The following DCAF12 variants were observed in gnomAD, a reference collection of about 807,000 sequenced individuals.
DCAF12 encodes the protein DDB1- and CUL4-associated factor 12.
Under a neutral mutation model 52.8 loss-of-function variants are expected in DCAF12, and 28 were observed. The ratio of observed to expected loss-of-function variants is 0.53; its 90% CI spans 0.39 to 0.73. DCAF12 has a LOEUF of 0.73. Ranked by LOEUF, DCAF12 falls within the 30% of genes least tolerant of loss-of-function variation. The probability of loss-of-function intolerance (pLI) is 0.00; values close to 1 mark genes in which losing one functional copy is unlikely to be tolerated. For missense variants in DCAF12, 425 were observed against 552.2 expected (o/e 0.77, Z 2.31); for synonymous variants, 196 against 215.5 (o/e 0.91, Z 0.79).
chr9:34,094,612 G>C (rs1479467333), intron 6 of DCAF12, among the ~76,000 whole-genome samples: 1 of 148,644 alleles, frequency 6.7e-6, no homozygotes, highest in African/African-American at 2.5e-5. Flanking sequence ...CTCACTGCAA[G>C]CTCCACCTCC....
At chr9:34,098,067 G>A (rs1352238953) in intron 5 of DCAF12, among the ~76,000 whole-genome samples, 1 of 152,154 alleles carries the variant, frequency 6.6e-6, no homozygotes, top group African/African-American at 2.4e-5. Context: ...GTCAAATCAG[G>A]GTGGCCCTAG....
rs371723555 is a variant in DCAF12, at chr9:34,098,311, C to G, written c.795+13G>C. On this transcript the variant is annotated intron_variant, in intron 5 of 8. Transcript: ENST00000361264. Reference sequence around the variant, plus strand: ...GAGGAATACACGTCAGGGATCCCTACACAAGTTCATACCTTGTTCTTGTTG... The same window carrying G: ...GAGGAATACACGTCAGGGATCCCTAGACAAGTTCATACCTTGTTCTTGTTG... 32 of 1,611,170 alleles carry G rather than the reference C, an allele frequency of 2.0e-5. No homozygotes were observed. The highest frequency in any genetic ancestry group is 2.6e-5 in the Non-Finnish European group (31 of 1,178,314).
intron 5 of DCAF12, among the ~76,000 whole-genome samples, chr9:34,097,799 G>A (rs76096442): frequency 1.7e-4 from 26 of 151,954 alleles, no homozygotes; most frequent in Non-Finnish European, 2.8e-4. Flanking sequence ...CATGTGTAGC[G>A]GTGCATGCCT....
At chr9:34,102,212 C>T (rs1450493966) in intron 4 of DCAF12, among the ~76,000 whole-genome samples, 3 of 151,082 alleles carry the variant, frequency 2.0e-5, no homozygotes, top group Non-Finnish European at 4.4e-5. Context: ...TCACTGGAGC[C>T]TGGAGAGGTC....
At chr9:34,100,103 T>G (rs777192076) in intron 4 of DCAF12, among the ~76,000 whole-genome samples, 1 of 151,500 alleles carries the variant, frequency 6.6e-6, no homozygotes, top group Non-Finnish European at 1.5e-5. Flanking sequence ...GGCACAATCA[T>G]AGCTCACTGC....
intron 7 of DCAF12, among the ~76,000 whole-genome samples, chr9:34,091,639 CAAA>C (rs34922785): frequency 2.5e-5 from 2 of 80,508 alleles, no homozygotes; most frequent in African/African-American, 1.0e-4. Flanking sequence ...ACCCTGTCTT[CAAA>C]AAAAAAAAAA....
intron 2 of DCAF12, among the ~76,000 whole-genome samples, chr9:34,117,256 ATTTT>A (rs201282914): frequency 7.1e-6 from 1 of 140,032 alleles, no homozygotes; most frequent in South Asian, 2.3e-4. Flanking sequence ...CTAATCCTTG[ATTTT>A]TTTTTTTTTT....
intron 1 of DCAF12, chr9:34,125,698 G>A: frequency 2.6e-6 from 1 of 391,568 alleles, no homozygotes; most frequent in Non-Finnish European, 5.5e-6. Flanking sequence ...GCCAGACCTG[G>A]CTCCCAGGTC....
intron 2 of DCAF12, among the ~76,000 whole-genome samples, chr9:34,115,968 C>T (rs541568193): frequency 2.6e-5 from 4 of 152,284 alleles, no homozygotes; most frequent in East Asian, 1.9e-4. Flanking sequence ...ATTTATGCCA[C>T]GTCCAAATTT....
At chr9:34,103,490 T>A (rs7022361) in intron 4 of DCAF12, among the ~76,000 whole-genome samples, 150,471 of 152,268 alleles carry the variant, frequency 0.99, 74,379 homozygotes, top group East Asian at 1. Context: ...ATACACAAAG[T>A]TGTTTATTCG....
At position 34,125,155 on chromosome 9, in the gene DCAF12, C is replaced by T; in HGVS notation, c.201G>A (p.Leu67=). 1 of 1,614,154 alleles carries T rather than the reference C, an allele frequency of 6.2e-7. No homozygotes were observed. The highest frequency in any genetic ancestry group is 8.5e-7 in the Non-Finnish European group (1 of 1,180,034). Residue 67 remains leucine, a synonymous_variant, in exon 2 of 9, where the codon TTG becomes TTA. Transcript: ENST00000361264. The stretch of plus-strand genomic sequence containing the variant: ...GAAGTTGCTGTGCTGCATAACCATG[C>T]AACACTCGAGAGTAGCTGGTTTCAT... ...LQNETSYSRV[L]HGYAAQQLPS...
At chr9:34,104,218 T>G (rs575483566) in intron 4 of DCAF12, among the ~76,000 whole-genome samples, 1 of 151,494 alleles carries the variant, frequency 6.6e-6, no homozygotes, top group South Asian at 2.1e-4. Context: ...TGAGCCAAGA[T>G]GCACTCCAGC....
At position 34,104,881 on chromosome 9, in the gene DCAF12, G is replaced by GCACTTTA. The variant is rs201632211; in HGVS notation, c.601+1546_601+1552dup. On this transcript the variant is annotated intron_variant, in intron 4 of 8. Coordinates refer to ENST00000361264, the MANE Select transcript of DCAF12 (RefSeq NM_015397.4). ...TGCAGTGAGCCAAGATTGCACCATT[G>GCACTTTA]CACTTTAGCCTGGGCAACACAGCAA... 5.6e-3 allele frequency among the ~76,000 whole-genome samples: 843 copies of GCACTTTA among 150,210 alleles called. 2 individuals carry two copies. Among genetic ancestry groups the GCACTTTA allele is most frequent in the Non-Finnish European group, 8.4e-3 (571 of 67,758 alleles).
At chr9:34,097,790 A>C (rs992204290) in intron 5 of DCAF12, among the ~76,000 whole-genome samples, 6 of 151,962 alleles carry the variant, frequency 3.9e-5, no homozygotes, top group Admixed American at 6.6e-5. Flanking sequence ...AAAATTAGCC[A>C]TGTGTAGCGG....
chr9:34,089,419 C>A lies in DCAF12; in HGVS notation c.1196G>T (p.Gly399Val). The A allele has an allele frequency of 6.2e-7, 1 of 1,612,454 alleles. No individual in the cohort carries two copies. Among genetic ancestry groups the A allele is most frequent in the South Asian group, 1.1e-5 (1 of 90,924 alleles). The change falls in exon 8 of 9, where the codon GGC becomes GTC. Residue 399 changes from glycine (G) to valine (V), a missense_variant. Physicochemically the swap from Gly to Val is moderately radical, Grantham distance 109. Transcript: ENST00000361264. Reference protein sequence around the residue: ...GENLKLTTGKGWLNHDETWRN... With the variant: ...GENLKLTTGKVWLNHDETWRN... ...AGGTAGGGGCTTACGCACCAGCCAG[C>A]CTTTGCCAGTGGTTAGTTTCAGATT...
intron 2 of DCAF12, among the ~76,000 whole-genome samples, chr9:34,116,920 A>G (rs1829096356): frequency 6.6e-6 from 1 of 152,200 alleles, no homozygotes; most frequent in African/African-American, 2.4e-5. Flanking sequence ...CGGAGGTTGC[A>G]GTAAGCCGAG....
At chr9:34,123,470 T>C (rs1276356416) in intron 2 of DCAF12, among the ~76,000 whole-genome samples, 2 of 152,156 alleles carry the variant, frequency 1.3e-5, no homozygotes, top group Non-Finnish European at 2.9e-5. Flanking sequence ...ATTTGCCCAA[T>C]GTCACAAAGT....
At chr9:34,099,098 C>T (rs1828786479) in intron 4 of DCAF12, among the ~76,000 whole-genome samples, 2 of 150,660 alleles carry the variant, frequency 1.3e-5, no homozygotes, top group Admixed American at 6.6e-5. Context: ...GACAGAGTCT[C>T]GCTCTATCAC....
At chr9:34,104,834 C>T (rs1386064177) in intron 4 of DCAF12, among the ~76,000 whole-genome samples, 1 of 146,640 alleles carries the variant, frequency 6.8e-6, no homozygotes, top group Admixed American at 6.8e-5. Flanking sequence ...GGGAGAAGTG[C>T]TTGAACCCAG....
Sources: gnomAD v4.1 joint callset for allele counts (sites outside exome capture counted in the v4.1 genomes callset) on GRCh38, gnomAD v4.1.1 for gene constraint, MANE v1.5 for transcripts, NCBI Gene and HGNC (gene_info 2026-07-23, HGNC 2026-07-21) for gene names.